The following PEG3 variants were observed in gnomAD, a reference collection of about 807,000 sequenced individuals.
PEG3 encodes paternally-expressed gene 3 protein.
In PEG3, 23 loss-of-function variants were observed where a neutral mutation model predicts 35.5. The observed-to-expected ratio is 0.65, with a 90% CI of 0.47 to 0.92. PEG3 has a LOEUF of 0.92. PEG3 is among the 40% of genes least tolerant of loss of function. The probability of loss-of-function intolerance (pLI) is 0.00; values close to 1 mark genes in which losing one functional copy is unlikely to be tolerated. For synonymous variants in PEG3, 707 were observed against 697.0 expected (o/e 1.01, Z -0.23); for missense variants, 1,960 against 1,985.3 (o/e 0.99, Z 0.24).
chr19:56,838,821 G>C (rs1437118793), intron 1 of PEG3, among the ~76,000 whole-genome samples: 1 of 152,174 alleles, frequency 6.6e-6, no homozygotes, highest in Non-Finnish European at 1.5e-5. Flanking sequence ...ATCACCGCAA[G>C]GCAGGCAAGC....
At chr19:56,821,621 T>C in intron 7 of PEG3, 30 bp downstream of exon 7, 5 of 1,611,236 alleles carry the variant, frequency 3.1e-6, no homozygotes, top group Non-Finnish European at 4.2e-6. Context: ...GAAGATGGCC[T>C]TTCTAGAAAG....
rs372687566 is a variant in PEG3, at chr19:56,814,393, T to C, written c.4049A>G (p.His1350Arg). 14 of 1,613,644 alleles carry C rather than the reference T, an allele frequency of 8.7e-6. No individual in the cohort carries two copies. The African/African-American group carries it at 1.6e-4, about 18-fold the overall frequency. The change falls in exon 10 of 10, where the codon CAT becomes CGT. Residue 1350 changes from histidine to arginine, a missense_variant. Physicochemically the swap from His to Arg is conservative, Grantham distance 29. This residue lies in a region of PEG3 where 416 missense variants were observed against 416.7 expected (regional missense o/e 1.00). Coordinates refer to ENST00000326441, the MANE Select transcript of PEG3 (RefSeq NM_006210.3). The surrounding 1 kb of genome is among the most constrained non-coding windows in gnomAD (Gnocchi z 5.8). ...TTCTTCTTCCAGATGAAGCTCCTTA[T>C]GTTTAGTGAGGACTGTGCTATGAAT... The part of the protein sequence containing the change: ...SFIHSTVLTK[H>R]KELHLEEEEE...
rs1028477575 is a variant in PEG3 at position 56,812,681 on chromosome 19, G to A, written c.*994C>T. 55 of 985,370 alleles carry A rather than the reference G, an allele frequency of 5.6e-5. No individual in the cohort carries two copies. The highest frequency in any genetic ancestry group is 7.0e-5 in the African/African-American group (4 of 57,168). 61.0% of individuals were successfully genotyped at this position (985,370 alleles called of 1,614,324 possible). On this transcript the variant is annotated 3_prime_UTR_variant, in exon 10 of 10. Transcript: ENST00000326441. ...TTTACAGCATGAGAGCCTCTCCTAC[G>A]GTTCTCAACCTTCATTAGGCACTAC...
chr19:56,810,911 A>G lies in PEG3; in HGVS notation c.*2764T>C. On this transcript the variant is annotated 3_prime_UTR_variant, in exon 10 of 10. Coordinates refer to ENST00000326441, the MANE Select transcript of PEG3 (RefSeq NM_006210.3). ...ATGGAGACACACATAATACACTGTTATCAGGACATTATTATAGGGAACATT... is the reference window on the plus strand; with the variant it reads ...ATGGAGACACACATAATACACTGTTGTCAGGACATTATTATAGGGAACATT... 1.0e-6 allele frequency: 1 copy of G among 963,654 alleles called. No homozygotes were observed. Among genetic ancestry groups the G allele is most frequent in the Non-Finnish European group, 1.2e-6 (1 of 810,132 alleles). The allele number at this position is 963,654 out of a possible 1,614,324, so 59.7% of individuals were successfully genotyped here. A position where few individuals can be genotyped will look rare whatever the true frequency, so the allele number is the denominator to read the frequency against.
chr19:56,821,807 TC>T (rs2060516802), intron 6 of PEG3, 53 bp from the exon 7 acceptor site: 2 of 1,594,416 alleles, frequency 1.3e-6, no homozygotes, highest in Non-Finnish European at 8.6e-7. Context: ...ATCCTGCAGG[TC>T]CCAGGTTTGT....
intron 2 of PEG3, among the ~76,000 whole-genome samples, chr19:56,832,822 A>G (rs1198793269): frequency 2.0e-5 from 3 of 152,228 alleles, no homozygotes; most frequent in Non-Finnish European, 4.4e-5. Context: ...CTCTGTATAC[A>G]GAACAAGCCT....
intron 8 of PEG3, among the ~76,000 whole-genome samples, 165 bp downstream of exon 8, chr19:56,818,435 A>C (rs1207351237): frequency 6.6e-6 from 1 of 152,188 alleles, no homozygotes; most frequent in African/African-American, 2.4e-5. Flanking sequence ...TTAAAAACAC[A>C]AATTTTATCA....
rs114137642 is a variant in PEG3, at chr19:56,812,123, A to T, written c.*1552T>A. 3.0e-3 allele frequency: 2,876 copies of T among 963,994 alleles called. 34 individuals carry two copies. The highest frequency in any genetic ancestry group is 0.029 in the African/African-American group (1,673 of 56,856). The allele number at this position is 963,994 out of a possible 1,614,324, so 59.7% of individuals were successfully genotyped here. ...TTACATTTTGCAAATCTTTTTTTTT[A>T]AATTTTTTAAATTTTATATTTTTTT... On this transcript the variant is annotated 3_prime_UTR_variant, in exon 10 of 10. Transcript: ENST00000326441.
chr19:56,817,502 T>A lies in PEG3; in HGVS notation c.940A>T (p.Ile314Leu), dbSNP rs1362407666. ...ACATCCTTGATGAATTTTTCCATTA[T>A]CACTCCGTGGGAAGATTCATCTTCA... ...ICEDESSHGVIMEKFIKDVSR... is the reference protein window; with the variant it reads ...ICEDESSHGVLMEKFIKDVSR... Residue 314 changes from isoleucine (I) to leucine (L), a missense_variant, in exon 10 of 10, where the codon ATA becomes TTA. Ile to Leu is a conservative substitution (Grantham distance 5). Coordinates refer to ENST00000326441, the MANE Select transcript of PEG3 (RefSeq NM_006210.3). 6.2e-7 allele frequency: 1 copy of A among 1,612,366 alleles called. No homozygotes were observed. The highest frequency in any genetic ancestry group is 1.3e-5 in the African/African-American group (1 of 74,890).
chr19:56,818,826 G>T, intron 7 of PEG3, 124 bp from the exon 8 acceptor site: 1 of 1,100,216 alleles, frequency 9.1e-7, no homozygotes, highest in Non-Finnish European at 1.3e-6. Flanking sequence ...CGGTATTGGG[G>T]TTCTGAGTGA....
At chr19:56,817,913 C>G in intron 8 of PEG3, 78 bp from the exon 9 acceptor site, 1 of 1,172,378 alleles carries the variant, frequency 8.5e-7, no homozygotes, top group Non-Finnish European at 1.3e-6. Flanking sequence ...TGATCTTCAT[C>G]TTTCACTGAG....
In PEG3 at chr19:56,824,571, TAGTC is replaced by T. The variant is rs1178050124; in HGVS notation, c.81_84del (p.Thr28ArgfsTer7). The T allele has an allele frequency of 6.2e-7, 1 of 1,614,028 alleles. No individual in the cohort carries two copies. The highest frequency in any genetic ancestry group is 8.5e-7 in the Non-Finnish European group (1 of 1,180,024). ...TCTCCTATGATGACATCCGGCTCCT[TAGTC>T]AAGTCACTGTCTAGCTCATACAGAT... On this transcript the variant is annotated frameshift_variant, in exon 4 of 10. Transcript: ENST00000326441. LOFTEE classifies it high-confidence loss of function.
Position 56,814,896 on chromosome 19 carries a change from C to A in PEG3, c.3546G>T (p.Gln1182His), listed in dbSNP as rs1485007248. 6.2e-7 allele frequency: 1 copy of A among 1,614,068 alleles called. No individual in the cohort carries two copies. Among genetic ancestry groups the A allele is most frequent in the African/African-American group, 1.3e-5 (1 of 74,910 alleles). ...FIHSSFLFEH[Q>H]RIHEQDQLYS... is the part of the protein sequence containing the mutation. ...ACAACTGGTCTTGTTCATGGATTCTCTGATGCTCGAAAAGGAATGAGCTAT... is the reference window on the plus strand; with the variant it reads ...ACAACTGGTCTTGTTCATGGATTCTATGATGCTCGAAAAGGAATGAGCTAT... Residue 1182 changes from glutamine (Q) to histidine (H), a missense_variant, in exon 10 of 10, where the codon CAG becomes CAT. By Grantham distance (24) the Gln-to-His change is conservative. Transcript: ENST00000326441. The surrounding 1 kb of genome is among the most constrained non-coding windows in gnomAD (Gnocchi z 5.8).
intron 1 of PEG3, 125 bp downstream of exon 1, chr19:56,840,457 A>G (rs1261154304): frequency 6.6e-6 from 1 of 152,232 alleles, no homozygotes; most frequent in Non-Finnish European, 1.5e-5. Flanking sequence ...CCGCCCTGCC[A>G]CAAGGGTCGC....
rs1296895106 is a variant in PEG3 at position 56,812,834 on chromosome 19, C to T, written c.*841G>A. The T allele has an allele frequency of 7.3e-6, 7 of 963,078 alleles. No individual in the cohort carries two copies. The African/African-American group carries it at 1.1e-4, about 15-fold the overall frequency. The allele number at this position is 963,078 out of a possible 1,614,324, so 59.7% of individuals were successfully genotyped here. ...TGAGTTGGTTAAAAAAAAAAAAAAC[C>T]CAGAACACAAATGTGTAATATTTTT... On this transcript the variant is annotated 3_prime_UTR_variant, in exon 10 of 10. Transcript: ENST00000326441.
At chr19:56,822,698 G>C in intron 6 of PEG3, 55 bp downstream of exon 6, 1 of 1,601,948 alleles carries the variant, frequency 6.2e-7, no homozygotes, top group Non-Finnish European at 8.5e-7. Context: ...CCTTGAACCT[G>C]TGCACAGCAC....
rs764228367 is a variant in PEG3, at chr19:56,816,212, C to T, written c.2230G>A (p.Asp744Asn). 6.2e-7 allele frequency: 1 copy of T among 1,614,194 alleles called. No homozygotes were observed. Among genetic ancestry groups the T allele is most frequent in the Non-Finnish European group, 8.5e-7 (1 of 1,180,016 alleles). The change falls in exon 10 of 10, where the codon GAT becomes AAT. Residue 744 changes from aspartate (D) to asparagine (N), a missense_variant. Asp to Asn is a conservative substitution (Grantham distance 23). This residue lies in a region of PEG3 where 798 missense variants were observed against 782.4 expected (regional missense o/e 1.02). Coordinates refer to ENST00000326441, the MANE Select transcript of PEG3 (RefSeq NM_006210.3). Reference sequence around the variant, plus strand: ...ATGGTGAACGCCTTTTCGTCCTCATCACTTTCAAGAGGTCTTGTTATAGTA... The same window carrying T: ...ATGGTGAACGCCTTTTCGTCCTCATTACTTTCAAGAGGTCTTGTTATAGTA... ...SHTITRPLES[D>N]EDEKAFTISS...
intron 8 of PEG3, 109 bp downstream of exon 8, chr19:56,818,491 G>T: frequency 8.7e-7 from 1 of 1,148,604 alleles, no homozygotes; most frequent in Non-Finnish European, 1.2e-6. Flanking sequence ...TATTACCCTT[G>T]AAGTCCAAAT....
Position 56,813,673 on chromosome 19 carries a change from C to T in PEG3, c.*2G>A, listed in dbSNP as rs763577550. The T allele has an allele frequency of 1.7e-5, 27 of 1,610,778 alleles. No homozygotes were observed. In the South Asian group the frequency reaches 2.9e-4, roughly 17 times the overall value. Reference sequence around the variant, plus strand: ...AGGTTTTCTAACCTTTACCCCATGCCCTCAGCCAGTGTGGGTATTCTGGTG... The same window carrying T: ...AGGTTTTCTAACCTTTACCCCATGCTCTCAGCCAGTGTGGGTATTCTGGTG... On this transcript the variant is annotated 3_prime_UTR_variant, in exon 10 of 10. Coordinates refer to ENST00000326441, the MANE Select transcript of PEG3 (RefSeq NM_006210.3).
Sources: allele counts gnomAD v4.1 joint callset (sites outside exome capture counted in the v4.1 genomes callset), GRCh38; gene constraint gnomAD v4.1.1; regional missense constraint gnomAD v4.1.1; non-coding constraint Gnocchi (gnomAD v3.1); transcripts MANE v1.5; gene names NCBI Gene and HGNC (gene_info 2026-07-23, HGNC 2026-07-21).